SMG1: variants seen among roughly 807,000 people sequenced by gnomAD.
SMG1 encodes serine/threonine-protein kinase SMG1.
SMG1 carries 22 observed loss-of-function variants against 419.9 expected under a neutral mutation model. The ratio of observed to expected loss-of-function variants is 0.05; its 90% CI spans 0.04 to 0.07. SMG1 has a LOEUF of 0.07. Among genes scored for constraint, SMG1 ranks in the 10% least tolerant of loss-of-function variants. The pLI, the probability that SMG1 is intolerant of heterozygous loss-of-function variation, is 1.00. For synonymous variants in SMG1, 1,538 were observed against 1,553.5 expected, an observed-to-expected ratio of 0.99 and a Z score of 0.23; for missense variants, 3,185 against 4,342.0, an observed-to-expected ratio of 0.73 and a Z score of 7.49.
chr16:18,924,486 T>C (rs2038315336), intron 1 of SMG1, among the ~76,000 whole-genome samples: 1 of 152,234 alleles, frequency 6.6e-6, no homozygotes, highest in East Asian at 1.9e-4. Flanking sequence ...TCCATTGTCA[T>C]TTATTTACCA....
At chr16:18,906,186 C>CA (rs34063725) in intron 1 of SMG1, among the ~76,000 whole-genome samples, 12 of 151,070 alleles carry the variant, frequency 7.9e-5, no homozygotes, top group Admixed American at 2.6e-4. Context: ...ACTTCACCAA[C>CA]AAAAAAAAAG....
In SMG1 at chr16:18,830,227, C is replaced by G; in HGVS notation, c.8935G>C (p.Val2979Leu). The G allele has an allele frequency of 6.2e-7, 1 of 1,613,810 alleles. No individual in the cohort carries two copies. The highest frequency in any genetic ancestry group is 8.5e-7 in the Non-Finnish European group (1 of 1,179,800). Residue 2979 changes from valine to leucine, a missense_variant, in exon 52 of 63, where the codon GTT becomes CTT. By Grantham distance (32) the Val-to-Leu change is conservative (BLOSUM62 1). Around this residue, in one of 27 missense-constraint regions of SMG1, gnomAD observed 737 missense variants for 846.6 expected, o/e 0.87. Coordinates refer to ENST00000446231, the MANE Select transcript of SMG1 (RefSeq NM_015092.5). ...AQVETAFSLL[V>L]EKLNKMEIPI... ...TCCAAGTCCACATTTACCTTTTCAA[C>G]TAATAAGCTGAAAGCAGTTTCAACT...
At chr16:18,873,258 G>A (rs2141621770) in intron 13 of SMG1, among the ~76,000 whole-genome samples, 2 of 152,210 alleles carry the variant, frequency 1.3e-5, no homozygotes, top group South Asian at 4.1e-4. Flanking sequence ...TTGCTCTGTT[G>A]CCCAGGCTGG....
intron 39 of SMG1, among the ~76,000 whole-genome samples, chr16:18,844,136 A>C (rs779048818): frequency 4.6e-5 from 7 of 152,122 alleles, no homozygotes; most frequent in Non-Finnish European, 8.8e-5. Context: ...CTTAGAACAC[A>C]AGGAAACGCA....
chr16:18,813,491 T>G (rs1407797033), intron 60 of SMG1, among the ~76,000 whole-genome samples: 1 of 152,254 alleles, frequency 6.6e-6, no homozygotes, highest in African/African-American at 2.4e-5. Context: ...TCTGTTTATA[T>G]CCTTCGCCCA....
At position 18,849,383 on chromosome 16, in the gene SMG1, A is replaced by C. The variant is rs746984623; in HGVS notation, c.5462-5T>G. 1 of 1,606,980 alleles carries C rather than the reference A, an allele frequency of 6.2e-7. No homozygotes were observed. Among genetic ancestry groups the C allele is most frequent in the South Asian group, 1.1e-5 (1 of 90,666 alleles). On this transcript the variant is annotated splice_polypyrimidine_tract_variant and splice_region_variant and intron_variant, in intron 35 of 62. Transcript: ENST00000446231. ...AGAAAAGTTGCGGAATAATTCCTTC[A>C]GGACAAGAAGAGAGAAAGACACTTT...
intron 1 of SMG1, among the ~76,000 whole-genome samples, chr16:18,914,940 TA>T (rs140607393): frequency 4.1e-5 from 6 of 147,952 alleles, no homozygotes; most frequent in East Asian, 2.0e-4. Flanking sequence ...TAAATTACCA[TA>T]TTTTTTTTTT....
rs56962380 is a variant in SMG1 at position 18,837,086 on chromosome 16, A to G, written c.7604+167T>C. 3.3e-5 allele frequency among the ~76,000 whole-genome samples: 5 copies of G among 152,288 alleles called. No individual in the cohort carries two copies. The East Asian group carries it at 9.6e-4, about 29-fold the overall frequency. On this transcript the variant is annotated intron_variant, in intron 46 of 62. Coordinates refer to ENST00000446231, the MANE Select transcript of SMG1 (RefSeq NM_015092.5). Reference sequence around the variant, plus strand: ...AAGTTAAATATAATAAAAGCAGACAATTTCAGTGAATTTTTGTTTACTAAC... The same window carrying G: ...AAGTTAAATATAATAAAAGCAGACAGTTTCAGTGAATTTTTGTTTACTAAC...
At chr16:18,818,078 TA>T (rs34054818) in intron 56 of SMG1, among the ~76,000 whole-genome samples, 80,072 of 141,830 alleles carry the variant, frequency 0.56, 23,168 homozygotes, top group African/African-American at 0.78. Flanking sequence ...CATGCCTAGC[TA>T]AAAAAAAAAA....
intron 53 of SMG1, 82 bp downstream of exon 53, chr16:18,829,844 A>G (rs2033042254): frequency 1.4e-6 from 2 of 1,430,508 alleles, no homozygotes; most frequent in South Asian, 1.4e-5. Context: ...ATGAATGTAT[A>G]ATTAAATTAA....
chr16:18,919,651 T>G (rs1596665949), intron 1 of SMG1, among the ~76,000 whole-genome samples: 1 of 67,196 alleles, frequency 1.5e-5, no homozygotes, highest in African/African-American at 6.6e-5. Context: ...TGTGTGTGTG[T>G]ATATATACAC....
At position 18,913,117 on chromosome 16, in the gene SMG1, C is replaced by T. The variant is rs767719959; in HGVS notation, c.92+12833G>A. Among the ~76,000 whole-genome samples the T allele has an allele frequency of 1.1e-3, 174 of 152,140 alleles. 3 individuals are homozygous for T. Among genetic ancestry groups the T allele is most frequent in the Middle Eastern group, 6.8e-3 (2 of 292 alleles). The stretch of plus-strand genomic sequence containing the variant: ...GTCAAAAAGCCTAATGATTTCCTCA[C>T]ATAAGTAGGTTTTTCTGTCTGGCAA... On this transcript the variant is annotated intron_variant, in intron 1 of 62. Coordinates refer to ENST00000446231, the MANE Select transcript of SMG1 (RefSeq NM_015092.5).
chr16:18,860,142 C>T (rs2035137891), intron 26 of SMG1, among the ~76,000 whole-genome samples: 1 of 152,180 alleles, frequency 6.6e-6, no homozygotes, highest in Non-Finnish European at 1.5e-5. Flanking sequence ...CACTTGAACT[C>T]AGAGGGCAGA....
chr16:18,874,697 C>T (rs2036008826), intron 13 of SMG1, among the ~76,000 whole-genome samples: 1 of 149,300 alleles, frequency 6.7e-6, no homozygotes, highest in South Asian at 2.1e-4. Context: ...GAAACCAAGT[C>T]TCTACTAAAA....
chr16:18,834,780 C>T, intron 49 of SMG1, 112 bp downstream of exon 49: 2 of 1,176,348 alleles, frequency 1.7e-6, no homozygotes, highest in African/African-American at 1.5e-5. Context: ...ATCTGAAAAG[C>T]AAGTAAGCAG....
chr16:18,907,011 T>C (rs1259674894), intron 1 of SMG1, among the ~76,000 whole-genome samples: 3 of 152,188 alleles, frequency 2.0e-5, no homozygotes, highest in African/African-American at 7.2e-5. Flanking sequence ...TTGGCTGGCA[T>C]AGTGGCTCAC....
In SMG1 at chr16:18,882,297, A is replaced by G. The variant is rs181433932; in HGVS notation, c.1161T>C (p.Asp387=). The G allele has an allele frequency of 1.5e-3, 2,335 of 1,608,582 alleles. 52 individuals are homozygous for G. In the Admixed American group the frequency reaches 0.035, roughly 24 times the overall value. ...HVASGESVDE[D]VPPPSVSLPK... ...GTAATGACACTGATGGAGGAGGGAC[A>G]TCTTCATCCACTGATTCCCCAGAGG... Residue 387 remains aspartate, a synonymous_variant, in exon 10 of 63, where the codon GAT becomes GAC. Transcript: ENST00000446231.
rs926206578 is a variant in SMG1 at position 18,809,182 on chromosome 16, T to C, written c.*387A>G. The C allele has an allele frequency of 2.4e-5, 4 of 169,410 alleles. No homozygotes were observed. Among genetic ancestry groups the C allele is most frequent in the African/African-American group, 9.5e-5 (4 of 42,184 alleles). 10.5% of individuals were successfully genotyped at this position (169,410 alleles called of 1,614,324 possible). ...TCTCTGTTTCTGAGTGGGGTTTGTTTTTTTCCTGGATTGTACACACAGGGT... is the reference window on the plus strand; with the variant it reads ...TCTCTGTTTCTGAGTGGGGTTTGTTCTTTTCCTGGATTGTACACACAGGGT... On this transcript the variant is annotated 3_prime_UTR_variant, in exon 63 of 63. Coordinates refer to ENST00000446231, the MANE Select transcript of SMG1 (RefSeq NM_015092.5).
Position 18,806,528 on chromosome 16 carries a change from C to A in SMG1, c.*3041G>T, listed in dbSNP as rs944666091. ...CAATGACCAAAAATAATCAATCAAA[C>A]TTCAAGACACACCAAAGCAACAGTA... On this transcript the variant is annotated 3_prime_UTR_variant, in exon 63 of 63. Transcript: ENST00000446231. The A allele has an allele frequency of 1.3e-5, 2 of 152,266 alleles. No homozygotes were observed. Among genetic ancestry groups the A allele is most frequent in the Admixed American group, 1.3e-4 (2 of 15,280 alleles). 9.4% of individuals were successfully genotyped at this position (152,266 alleles called of 1,614,324 possible). A position where few individuals can be genotyped will look rare whatever the true frequency, so the allele number is the denominator to read the frequency against.
Sources: allele counts gnomAD v4.1 joint callset (sites outside exome capture counted in the v4.1 genomes callset), GRCh38; gene constraint gnomAD v4.1.1; regional missense constraint gnomAD v4.1.1; transcripts MANE v1.5; gene names NCBI Gene and HGNC (gene_info 2026-07-23, HGNC 2026-07-21).